The following NCAM1 variants were observed in gnomAD, a reference collection of about 807,000 sequenced individuals.
NCAM1 encodes neural cell adhesion molecule 1.
A neutral mutation model predicts 109.8 loss-of-function variants in NCAM1; 14 were observed. The observed-to-expected ratio is 0.13, with a 90% CI of 0.08 to 0.20. The LOEUF is 0.20. NCAM1 is among the 10% of genes least tolerant of loss of function. The probability of loss-of-function intolerance (pLI) is 1.00; values close to 1 mark genes in which losing one functional copy is unlikely to be tolerated. For missense variants in NCAM1, 774 were observed against 1,109.9 expected (o/e 0.70, Z 4.30); for synonymous variants, 418 against 442.9 (o/e 0.94, Z 0.70).
At chr11:112,979,045 G>A (rs191791470) in intron 1 of NCAM1, among the ~76,000 whole-genome samples, 1 of 151,350 alleles carries the variant, frequency 6.6e-6, no homozygotes, top group Non-Finnish European at 1.5e-5. Context: ...ATTTTATTTC[G>A]ATTTTATTTG....
At chr11:113,177,375 G>A (rs575630324) in intron 1 of NCAM1, among the ~76,000 whole-genome samples, 47 of 151,928 alleles carry the variant, frequency 3.1e-4, no homozygotes, top group African/African-American at 1.0e-3. Flanking sequence ...ATTTGTTTTC[G>A]CCAAAAAAAA....
chr11:113,221,704 G>A (rs1329506911), intron 9 of NCAM1: 1 of 177,336 alleles, frequency 5.6e-6, no homozygotes, highest in East Asian at 1.5e-4. Flanking sequence ...CAGAGTTAGT[G>A]ATCTAAAAAC....
chr11:113,197,285 G>A, intron 1 of NCAM1: 1 of 173,590 alleles, frequency 5.8e-6, no homozygotes, highest in Non-Finnish European at 1.3e-5. Context: ...TTATGCTCCT[G>A]GTCTCAGTAT....
At chr11:113,034,669 A>T (rs932221612) in intron 1 of NCAM1, among the ~76,000 whole-genome samples, 5 of 152,208 alleles carry the variant, frequency 3.3e-5, no homozygotes, top group Non-Finnish European at 7.3e-5. Context: ...ATCGTACAGA[A>T]GATGAAGATT....
chr11:113,265,029 G>A, intron 17 of NCAM1: 1 of 985,440 alleles, frequency 1.0e-6, no homozygotes, highest in African/African-American at 1.7e-5. Flanking sequence ...TGCTGCCCAT[G>A]CTCCACACAC....
chr11:113,275,911 T>C lies in NCAM1; in HGVS notation c.*524T>C, dbSNP rs1946392968. On this transcript the variant is annotated 3_prime_UTR_variant, in exon 20 of 20. Transcript: ENST00000316851. Reference sequence around the variant, plus strand: ...CTCATAAATAAGTTATAATTTCTGTTCACTTTGTATTTGTTCAGTATGCAA... The same window carrying C: ...CTCATAAATAAGTTATAATTTCTGTCCACTTTGTATTTGTTCAGTATGCAA... 1 of 152,900 alleles carries C rather than the reference T, an allele frequency of 6.5e-6. No homozygotes were observed. Among genetic ancestry groups the C allele is most frequent in the South Asian group, 2.1e-4 (1 of 4,854 alleles). The allele number at this position is 152,900 out of a possible 1,614,324, so 9.5% of individuals were successfully genotyped here.
At chr11:113,175,064 G>GTGATGTCA (rs2136504286) in intron 1 of NCAM1, among the ~76,000 whole-genome samples, 1 of 152,316 alleles carries the variant, frequency 6.6e-6, no homozygotes, top group Non-Finnish European at 1.5e-5. Context: ...AGGTTGCTGG[G>GTGATGTCA]TGATGTCATG....
intron 1 of NCAM1, among the ~76,000 whole-genome samples, chr11:113,022,980 T>C (rs1350950444): frequency 6.6e-6 from 1 of 152,186 alleles, no homozygotes; most frequent in Non-Finnish European, 1.5e-5. Context: ...TTGGTCACCT[T>C]ACCACACCCA....
chr11:113,263,504 C>G, intron 17 of NCAM1: 1 of 985,762 alleles, frequency 1.0e-6, no homozygotes, highest in Non-Finnish European at 1.2e-6. Context: ...GTTGCCCATG[C>G]ACTGGAAAAA....
intron 1 of NCAM1, among the ~76,000 whole-genome samples, chr11:113,067,196 A>G (rs1191942657): frequency 6.6e-6 from 1 of 152,166 alleles, no homozygotes; most frequent in Non-Finnish European, 1.5e-5. Flanking sequence ...GGGAATTTCA[A>G]TAAATAGCAA....
At chr11:112,992,774 T>G (rs1555070776) in intron 1 of NCAM1, among the ~76,000 whole-genome samples, 1 of 152,226 alleles carries the variant, frequency 6.6e-6, no homozygotes, top group Non-Finnish European at 1.5e-5. Context: ...TCCTAAGTGC[T>G]GGGATTACAG....
At chr11:113,199,822 A>C (rs1943984426) in intron 1 of NCAM1, among the ~76,000 whole-genome samples, 1 of 108,622 alleles carries the variant, frequency 9.2e-6, no homozygotes, top group Non-Finnish European at 1.8e-5. Flanking sequence ...AGTAAAAGAA[A>C]CACCCTTAAA....
At chr11:113,203,699 G>C (rs1944142211) in intron 2 of NCAM1, among the ~76,000 whole-genome samples, 1 of 152,256 alleles carries the variant, frequency 6.6e-6, no homozygotes, top group Non-Finnish European at 1.5e-5. Context: ...GAATTTGTCT[G>C]AGCAGGGAGT....
intron 1 of NCAM1, among the ~76,000 whole-genome samples, chr11:113,012,080 G>A (rs56124422): frequency 0.14 from 20,357 of 150,460 alleles, 1,412 homozygotes; most frequent in African/African-American, 0.15. Context: ...GTGCAGTGGC[G>A]CGATCTTGGC....
At chr11:113,214,124 C>T (rs962679418) in intron 7 of NCAM1, among the ~76,000 whole-genome samples, 1 of 152,242 alleles carries the variant, frequency 6.6e-6, no homozygotes, top group Admixed American at 6.5e-5. Flanking sequence ...CATGTCCTGC[C>T]TCCTGCATTC....
intron 1 of NCAM1, among the ~76,000 whole-genome samples, chr11:112,979,142 T>C (rs1951083229): frequency 6.6e-6 from 1 of 151,584 alleles, no homozygotes; most frequent in Non-Finnish European, 1.5e-5. Context: ...AGTGTGTGTT[T>C]GGGTTGCTGT....
chr11:113,020,649 T>C (rs1591254623), intron 1 of NCAM1, among the ~76,000 whole-genome samples: 1 of 152,268 alleles, frequency 6.6e-6, no homozygotes, highest in East Asian at 1.9e-4. Context: ...TAGGGACATA[T>C]CTCTGTTGAT....
rs7111153 is a variant in NCAM1 at position 112,963,431 on chromosome 11, T to A, written c.52+1767T>A. The A allele has an allele frequency of 1.3e-5, 2 of 151,996 alleles. No individual in the cohort carries two copies. The highest frequency in any genetic ancestry group is 4.8e-5 in the African/African-American group (2 of 41,396). 9.4% of individuals were successfully genotyped at this position (151,996 alleles called of 1,614,324 possible). On this transcript the variant is annotated intron_variant, in intron 1 of 19. Transcript: ENST00000316851. This position sits in a 1 kb window ranked among gnomAD's most constrained non-coding sequence, Gnocchi z 4.6. ...CCTGAGCGCGTCGCCGGGGAGGGCA[T>A]CCTGGCAGGCACACCTACGCGCGTG... is the stretch of plus-strand genomic sequence containing the variant.
chr11:113,100,946 G>A (rs1939848193), intron 1 of NCAM1, among the ~76,000 whole-genome samples: 1 of 152,114 alleles, frequency 6.6e-6, no homozygotes, highest in African/African-American at 2.4e-5. Context: ...GTCTCTAGAT[G>A]ACCCTTTCTG....
Sources: gnomAD v4.1 joint callset for allele counts (sites outside exome capture counted in the v4.1 genomes callset) on GRCh38, gnomAD v4.1.1 for gene constraint, Gnocchi (gnomAD v3.1) non-coding constraint, MANE v1.5 for transcripts, NCBI Gene and HGNC (gene_info 2026-07-23, HGNC 2026-07-21) for gene names.